Variants in KRCC1 observed in about 807,000 individuals in gnomAD.
KRCC1 encodes the protein lysine-rich coiled-coil protein 1.
A neutral mutation model predicts 7.4 loss-of-function variants in KRCC1; 3 were observed. The ratio of observed to expected loss-of-function variants is 0.40; its 90% confidence interval spans 0.18 to 1.04. The LOEUF (loss-of-function observed/expected upper bound fraction) is 1.04. Among genes scored for constraint, KRCC1 ranks in the 50% least tolerant of loss-of-function variants. The pLI, the probability that KRCC1 is intolerant of heterozygous loss-of-function variation, is 0.33. For synonymous variants in KRCC1, 102 were observed against 101.6 expected (o/e 1.00, Z -0.02); for missense variants, 277 against 300.9 (o/e 0.92, Z 0.59).
chr2:88,028,962 T>C (rs1330626429), intron 3 of KRCC1, among the ~76,000 whole-genome samples: 3 of 152,144 alleles, frequency 2.0e-5, no homozygotes, highest in Admixed American at 6.5e-5. Context: ...CCTTTGCTCT[T>C]AAAAAGAGCT....
chr2:88,028,641 G>GTT (rs1558829637), intron 3 of KRCC1, 56 bp from the exon 4 acceptor site: 4 of 708,482 alleles, frequency 5.6e-6, no homozygotes, highest in Admixed American at 4.3e-5. Flanking sequence ...CATTTCCTTT[G>GTT]CTCTTTTTTT....
intron 3 of KRCC1, among the ~76,000 whole-genome samples, chr2:88,029,870 T>TG (rs1672961562): frequency 6.9e-6 from 1 of 145,072 alleles, no homozygotes; most frequent in Non-Finnish European, 1.5e-5. Flanking sequence ...TTTTTTGAGA[T>TG]GGAGTCTTGC....
chr2:88,040,080 G>A (rs140932605), intron 1 of KRCC1, among the ~76,000 whole-genome samples: 2 of 151,808 alleles, frequency 1.3e-5, no homozygotes, highest in African/African-American at 4.9e-5. Flanking sequence ...AAAGCTTACT[G>A]AGGACTAGTT....
In KRCC1 at chr2:88,027,303, A is replaced by G. The variant is rs1302309693; in HGVS notation, c.*481T>C. 1 of 152,944 alleles carries G rather than the reference A, an allele frequency of 6.5e-6. No individual in the cohort carries two copies. The highest frequency in any genetic ancestry group is 2.4e-5 in the African/African-American group (1 of 41,474). The allele number at this position is 152,944 out of a possible 1,614,324, so 9.5% of individuals were successfully genotyped here. On this transcript the variant is annotated 3_prime_UTR_variant, in exon 4 of 4. Transcript: ENST00000347055. ...TAGAAACTTTATGTAACCTAAGATT[A>G]TAATATATTTCATTTTCCACTTTCC...
chr2:88,039,777 A>T (rs963502265), intron 1 of KRCC1, among the ~76,000 whole-genome samples: 6 of 152,112 alleles, frequency 3.9e-5, no homozygotes, highest in Admixed American at 2.0e-4. Context: ...TAAGGTCAGC[A>T]AGGTAAAAAG....
intron 1 of KRCC1, among the ~76,000 whole-genome samples, chr2:88,045,779 G>A (rs1659374598): frequency 6.6e-6 from 1 of 151,994 alleles, no homozygotes; most frequent in Non-Finnish European, 1.5e-5. Flanking sequence ...TGCCTCCTGG[G>A]TTCAATCAAT....
chr2:88,039,159 G>C (rs1673153301), intron 1 of KRCC1, among the ~76,000 whole-genome samples: 1 of 151,918 alleles, frequency 6.6e-6, no homozygotes, highest in East Asian at 1.9e-4. Context: ...AAAATGAGTA[G>C]GGTCAAACAT....
intron 3 of KRCC1, among the ~76,000 whole-genome samples, chr2:88,029,028 T>C (rs1672941976): frequency 6.6e-6 from 1 of 152,150 alleles, no homozygotes; most frequent in Non-Finnish European, 1.5e-5. Context: ...AAAAGCTGAG[T>C]ATCTTGACAT....
rs1672917273 is a variant in KRCC1 at position 88,028,239 on chromosome 2, C to G, written c.325G>C (p.Asp109His). ...GGTACTGGTTTTTCTGAGAAACAGTCCCTCGTGAACTGACAGTAGCTCAGA... is the reference window on the plus strand; with the variant it reads ...GGTACTGGTTTTTCTGAGAAACAGTGCCTCGTGAACTGACAGTAGCTCAGA... ...DSLSYCQFTR[D>H]CFSEKPVPLN... The change falls in exon 4 of 4, where the codon GAC (aspartate) becomes CAC (histidine). Residue 109 changes from aspartate (D) to histidine (H), a missense_variant. Physicochemically the swap from Asp to His is moderately conservative, Grantham distance 81 (BLOSUM62 -1). Transcript: ENST00000347055. The G allele has an allele frequency of 1.2e-6, 2 of 1,614,042 alleles. No homozygotes were observed. Among genetic ancestry groups the G allele is most frequent in the African/African-American group, 2.7e-5 (2 of 74,910 alleles).
intron 1 of KRCC1, among the ~76,000 whole-genome samples, chr2:88,040,392 T>C (rs572643755): frequency 1.6e-4 from 25 of 152,334 alleles, no homozygotes; most frequent in Non-Finnish European, 3.2e-4. Flanking sequence ...CTCCATGCTT[T>C]TGGACTTTAT....
At chr2:88,043,618 T>C (rs1673262387) in intron 1 of KRCC1, among the ~76,000 whole-genome samples, 1 of 152,240 alleles carries the variant, frequency 6.6e-6, no homozygotes, top group African/African-American at 2.4e-5. Flanking sequence ...CCTGTAACAC[T>C]TTTACAGCAT....
chr2:88,055,098 C>A (rs1165158933), intron 1 of KRCC1, among the ~76,000 whole-genome samples: 1 of 151,682 alleles, frequency 6.6e-6, no homozygotes, highest in South Asian at 2.1e-4. Context: ...TGATCCCCCC[C>A]TAAACCTCAT....
chr2:88,041,933 C>A (rs1446269593), intron 1 of KRCC1, among the ~76,000 whole-genome samples: 1 of 151,634 alleles, frequency 6.6e-6, no homozygotes, highest in Non-Finnish European at 1.5e-5. Context: ...TTGTTAAAAT[C>A]CTGGAGGTAG....
chr2:88,033,111 A>G (rs1483962066), intron 3 of KRCC1, among the ~76,000 whole-genome samples: 1 of 152,214 alleles, frequency 6.6e-6, no homozygotes, highest in Non-Finnish European at 1.5e-5. Flanking sequence ...TATGTCCATT[A>G]TCTTGATTGT....
intron 1 of KRCC1, among the ~76,000 whole-genome samples, chr2:88,047,683 C>T (rs1192551654): frequency 6.6e-6 from 1 of 152,092 alleles, no homozygotes; most frequent in Non-Finnish European, 1.5e-5. Flanking sequence ...CACACACCAC[C>T]ACGCCTGGCT....
rs115938203 is a variant in KRCC1 at position 88,038,294 on chromosome 2, G to C, written c.-290-1243C>G. Among the ~76,000 whole-genome samples, 1,173 of 152,302 alleles carry C rather than the reference G, an allele frequency of 7.7e-3. 9 individuals carry two copies. Among genetic ancestry groups the C allele is most frequent in the African/African-American group, 0.026 (1,101 of 41,560 alleles). The stretch of plus-strand genomic sequence containing the variant: ...TGGTGACATCCAGACCTCAAGTAAA[G>C]AGCCTAATGATATTTGCTGGGAGGA... On this transcript the variant is annotated intron_variant, in intron 1 of 3. Transcript: ENST00000347055.
At chr2:88,048,147 A>C (rs1673385298) in intron 1 of KRCC1, among the ~76,000 whole-genome samples, 1 of 143,458 alleles carries the variant, frequency 7.0e-6, no homozygotes, top group Non-Finnish European at 1.5e-5. Flanking sequence ...CAGTGGTGGG[A>C]TCTCGGCTCA....
intron 1 of KRCC1, among the ~76,000 whole-genome samples, chr2:88,042,309 C>T (rs1318254541): frequency 1.3e-5 from 2 of 152,196 alleles, no homozygotes; most frequent in African/African-American, 4.8e-5. Context: ...ATCCAACCCC[C>T]TCGGAATCCC....
At chr2:88,046,471 G>C (rs775387573) in intron 1 of KRCC1, among the ~76,000 whole-genome samples, 10 of 152,242 alleles carry the variant, frequency 6.6e-5, no homozygotes, top group Non-Finnish European at 1.2e-4. Context: ...GACATAGTGA[G>C]ATGTTCTCCC....
Sources: allele counts gnomAD v4.1 joint callset (sites outside exome capture counted in the v4.1 genomes callset), GRCh38; gene constraint gnomAD v4.1.1; transcripts MANE v1.5; gene names NCBI Gene and HGNC (gene_info 2026-07-23, HGNC 2026-07-21).